Variants in CSMD1 observed in about 807,000 individuals in gnomAD.
CSMD1 encodes CUB and Sushi multiple domains 1.
CSMD1 carries 213 observed loss-of-function variants against 417.5 expected under a neutral mutation model. The ratio of observed to expected loss-of-function variants is 0.51; its 90% CI spans 0.46 to 0.57. The LOEUF is 0.57. Among genes scored for constraint, CSMD1 ranks in the 20% least tolerant of loss-of-function variants. CSMD1 has a pLI of 0.00. For synonymous variants in CSMD1, 2,862 were observed against 1,736.8 expected, an observed-to-expected ratio of 1.65 and a Z score of -16.11; for missense variants, 6,923 against 4,529.7, an observed-to-expected ratio of 1.53 and a Z score of -15.17.
intron 1 of CSMD1, among the ~76,000 whole-genome samples, chr8:4,938,154 A>G (rs1807748546): frequency 6.6e-6 from 1 of 152,240 alleles, no homozygotes; most frequent in Non-Finnish European, 1.5e-5. Context: ...ATGTCAGAAC[A>G]TAATAGAGTT....
chr8:4,456,191 T>G (rs1388300722), intron 2 of CSMD1, among the ~76,000 whole-genome samples: 1 of 151,962 alleles, frequency 6.6e-6, no homozygotes, highest in Non-Finnish European at 1.5e-5. Flanking sequence ...ACACAAACTT[T>G]ATTACAGGTT....
intron 5 of CSMD1, among the ~76,000 whole-genome samples, chr8:3,990,572 C>A (rs1372480838): frequency 6.6e-6 from 1 of 152,106 alleles, no homozygotes; most frequent in African/African-American, 2.4e-5. Context: ...AGAAAAGTGT[C>A]CCAAATTTCA....
chr8:4,075,840 G>A (rs1196026351), intron 3 of CSMD1, among the ~76,000 whole-genome samples: 2 of 152,128 alleles, frequency 1.3e-5, no homozygotes, highest in Non-Finnish European at 2.9e-5. Flanking sequence ...AAGGAAGCAG[G>A]CTATTGTCCT....
intron 26 of CSMD1, among the ~76,000 whole-genome samples, chr8:3,264,987 C>T (rs547102604): frequency 2.0e-5 from 3 of 152,192 alleles, no homozygotes; most frequent in African/African-American, 7.2e-5. Flanking sequence ...AGGGTCTGCA[C>T]CCCAGCTGTA....
At chr8:3,021,875 A>G (rs1267675594) in intron 51 of CSMD1, among the ~76,000 whole-genome samples, 3 of 147,172 alleles carry the variant, frequency 2.0e-5, no homozygotes, top group Non-Finnish European at 1.5e-5. Flanking sequence ...CCGCAATCCC[A>G]CAGCGTCCGG....
In CSMD1 at chr8:4,915,734, C is replaced by T. The variant is rs568454192; in HGVS notation, c.85+78598G>A. On this transcript the variant is annotated intron_variant, in intron 1 of 69. Coordinates refer to ENST00000635120, the MANE Select transcript of CSMD1 (RefSeq NM_033225.6). ...TAAACATTATGTCCGGGTTTGGAGACAGACATCCATTTGGATTTTCCTGGC... is the reference window on the plus strand; with the variant it reads ...TAAACATTATGTCCGGGTTTGGAGATAGACATCCATTTGGATTTTCCTGGC... 1.1e-4 allele frequency among the ~76,000 whole-genome samples: 17 copies of T among 152,354 alleles called. No individual in the cohort carries two copies. The South Asian group carries it at 3.3e-3, about 30-fold the overall frequency.
At chr8:3,765,288 C>A (rs1217890119) in intron 5 of CSMD1, among the ~76,000 whole-genome samples, 2 of 152,154 alleles carry the variant, frequency 1.3e-5, no homozygotes, top group African/African-American at 4.8e-5. Flanking sequence ...GCCCCACGGA[C>A]TCACTTTTGC....
At chr8:3,956,128 C>T (rs1811928289) in intron 5 of CSMD1, among the ~76,000 whole-genome samples, 1 of 152,134 alleles carries the variant, frequency 6.6e-6, no homozygotes, top group Non-Finnish European at 1.5e-5. Flanking sequence ...AAGTTCTGAC[C>T]AGATCCTGGA....
At chr8:3,714,062 G>GATA (rs1554519434) in intron 6 of CSMD1, among the ~76,000 whole-genome samples, 55 of 65,952 alleles carry the variant, frequency 8.3e-4, no homozygotes, top group African/African-American at 2.1e-3. Flanking sequence ...ATAGATAGAT[G>GATA]TCCACATACA....
chr8:4,594,927 A>G (rs1485489849), intron 2 of CSMD1, among the ~76,000 whole-genome samples: 6 of 152,180 alleles, frequency 3.9e-5, no homozygotes, highest in African/African-American at 7.2e-5. Context: ...AAATATTGAG[A>G]CTACATATTA....
chr8:4,285,140 A>G (rs1188260467), intron 3 of CSMD1, among the ~76,000 whole-genome samples: 1 of 152,186 alleles, frequency 6.6e-6, no homozygotes, highest in African/African-American at 2.4e-5. Context: ...ACTTACAGAT[A>G]TTTTGGTTGT....
chr8:3,652,480 A>G (rs1797906100), intron 7 of CSMD1, among the ~76,000 whole-genome samples: 1 of 152,172 alleles, frequency 6.6e-6, no homozygotes, highest in Non-Finnish European at 1.5e-5. Flanking sequence ...GACATACCTG[A>G]GACTGGGTAT....
chr8:3,222,842 G>A lies in CSMD1; in HGVS notation c.4484+887C>T, dbSNP rs560723013. 6.8e-4 allele frequency among the ~76,000 whole-genome samples: 103 copies of A among 152,266 alleles called. 1 individual carries two copies. The highest frequency in any genetic ancestry group is 2.2e-3 in the African/African-American group (92 of 41,554). On this transcript the variant is annotated intron_variant, in intron 28 of 69. Transcript: ENST00000635120. ...ACTTAAGATTCAGAATCATAGAAAC[G>A]TAAAATTCTACTGACTCAGATCTCA...
At position 3,719,284 on chromosome 8, in the gene CSMD1, G is replaced by A. The variant is rs117179691; in HGVS notation, c.932-10793C>T. Among the ~76,000 whole-genome samples the A allele has an allele frequency of 4.0e-3, 605 of 152,162 alleles. 9 individuals carry two copies. In the East Asian group the frequency reaches 0.061, roughly 15 times the overall value. ...ACAAAAACCCCAGTTTCAGCAAAAA[G>A]GCCACTGCCCTAGAGGCCCAGATAG... On this transcript the variant is annotated intron_variant, in intron 6 of 69. Coordinates refer to ENST00000635120, the MANE Select transcript of CSMD1 (RefSeq NM_033225.6).
chr8:4,671,608 A>G (rs1457257329), intron 1 of CSMD1, among the ~76,000 whole-genome samples: 7 of 152,242 alleles, frequency 4.6e-5, no homozygotes, highest in African/African-American at 1.7e-4. Flanking sequence ...TATCTTCAAC[A>G]GTTCCTCTCT....
intron 2 of CSMD1, among the ~76,000 whole-genome samples, chr8:4,610,954 T>C (rs935888144): frequency 6.6e-6 from 1 of 152,228 alleles, no homozygotes; most frequent in South Asian, 2.1e-4. Flanking sequence ...GATAAAATTG[T>C]AGTTTTAAAA....
chr8:3,556,231 G>T (rs566154315), intron 10 of CSMD1, among the ~76,000 whole-genome samples: 1 of 151,246 alleles, frequency 6.6e-6, no homozygotes, highest in East Asian at 2.0e-4. Context: ...AATTTAGGAG[G>T]GATCCTTTCC....
chr8:3,508,282 C>CCTG (rs1796916930), intron 10 of CSMD1, among the ~76,000 whole-genome samples: 1 of 151,562 alleles, frequency 6.6e-6, no homozygotes, highest in South Asian at 2.1e-4. Flanking sequence ...TCCTGGCTCA[C>CCTG]CTGCGCCCCC....
rs1372611761 is a variant in CSMD1 at position 4,732,257 on chromosome 8, T to A, written c.86-94699A>T. Among the ~76,000 whole-genome samples, 3 of 151,858 alleles carry A rather than the reference T, an allele frequency of 2.0e-5. No individual in the cohort carries two copies. In the East Asian group the frequency reaches 5.8e-4, roughly 29 times the overall value. On this transcript the variant is annotated intron_variant, in intron 1 of 69. Transcript: ENST00000635120. The stretch of plus-strand genomic sequence containing the variant: ...TTCTACTCTAACAAACTGCATATGG[T>A]GTAATTGAAAGACACTCTGCTAGAT...
Sources: allele counts gnomAD v4.1 joint callset (sites outside exome capture counted in the v4.1 genomes callset), GRCh38; gene constraint gnomAD v4.1.1; transcripts MANE v1.5; gene names NCBI Gene and HGNC (gene_info 2026-07-23, HGNC 2026-07-21).